CYS1: variants seen among roughly 807,000 people sequenced by gnomAD.
The protein encoded by CYS1 is cystin 1.
CYS1 carries 5 observed loss-of-function variants against 9.6 expected under a neutral mutation model. The ratio of observed to expected loss-of-function variants is 0.52; its 90% CI spans 0.27 to 1.10. The LOEUF (loss-of-function observed/expected upper bound fraction) is 1.10. CYS1 is among the 50% of genes least tolerant of loss of function. CYS1 has a pLI of 0.11. For missense variants in CYS1, 221 were observed against 207.9 expected (o/e 1.06, Z -0.39); for synonymous variants, 88 against 95.7 (o/e 0.92, Z 0.47).
intron 1 of CYS1, among the ~76,000 whole-genome samples, chr2:10,070,900 T>C: frequency 6.6e-6 from 1 of 152,032 alleles, no homozygotes; most frequent in East Asian, 1.9e-4. Flanking sequence ...CACCTCGGCC[T>C]CCTAAAAAGT....
In CYS1 at chr2:10,076,980, A is replaced by C. The variant is rs1013291997; in HGVS notation, c.318+2926T>G. 1.3e-5 allele frequency among the ~76,000 whole-genome samples: 2 copies of C among 151,994 alleles called. No homozygotes were observed. The highest frequency in any genetic ancestry group is 2.9e-5 in the Non-Finnish European group (2 of 67,996). ...CTCAAATTTAACATACTGAAAACCA[A>C]CTTCCTGGTTAATGACACCCCAAAC... On this transcript the variant is annotated intron_variant, in intron 1 of 2. Coordinates refer to ENST00000381813, the MANE Select transcript of CYS1 (RefSeq NM_001037160.3). This position sits in a 1 kb window ranked among gnomAD's most constrained non-coding sequence, Gnocchi z 4.3.
rs1402078501 is a variant in CYS1, at chr2:10,058,392, A to G, written c.*461T>C. The G allele has an allele frequency of 6.5e-6, 1 of 154,522 alleles. No homozygotes were observed. The highest frequency in any genetic ancestry group is 1.4e-5 in the Non-Finnish European group (1 of 69,700). The allele number at this position is 154,522 out of a possible 1,614,324, so 9.6% of individuals were successfully genotyped here. ...TGAGAAGCACTAAGCTGACCCGGCCACCCCTGGAGAGATGGGCCCGAGACT... is the reference window on the plus strand; with the variant it reads ...TGAGAAGCACTAAGCTGACCCGGCCGCCCCTGGAGAGATGGGCCCGAGACT... On this transcript the variant is annotated 3_prime_UTR_variant, in exon 3 of 3. Transcript: ENST00000381813.
intron 1 of CYS1, among the ~76,000 whole-genome samples, chr2:10,071,709 T>C (rs577028481): frequency 6.6e-6 from 1 of 152,208 alleles, no homozygotes; most frequent in African/African-American, 2.4e-5. Context: ...GGAGCTGGTA[T>C]GAAAAGCAAA....
chr2:10,072,394 G>T (rs1209819559), intron 1 of CYS1, among the ~76,000 whole-genome samples: 1 of 152,136 alleles, frequency 6.6e-6, no homozygotes, highest in African/African-American at 2.4e-5. Context: ...CGGCCCAAAG[G>T]TTACTTTTTA....
At position 10,080,060 on chromosome 2, in the gene CYS1, C is replaced by G. The variant is rs1212223182; in HGVS notation, c.164G>C (p.Gly55Ala). 2 of 1,041,040 alleles carry G rather than the reference C, an allele frequency of 1.9e-6. No individual in the cohort carries two copies. The allele number at this position is 1,041,040 out of a possible 1,614,324, so 64.5% of individuals were successfully genotyped here. ...GGGCGCCACGGGGCTGGGGTCGCGG[C>G]CGGGCGCCTCCTCCGCGGCTGCCCC... ...VPGAAAEEAP[G>A]RDPSPVAPPD... Residue 55 changes from glycine (G) to alanine (A), a missense_variant, in exon 1 of 3, where the codon GGC (glycine) becomes GCC (alanine). By Grantham distance (60) the Gly-to-Ala change is moderately conservative. Transcript: ENST00000381813. This position sits in a 1 kb window ranked among gnomAD's most constrained non-coding sequence, Gnocchi z 6.4.
At position 10,076,322 on chromosome 2, in the gene CYS1, G is replaced by C. The variant is rs951787314; in HGVS notation, c.318+3584C>G. ...CTTATCCAGCCCATTCTGGGACTAA[G>C]ATTTTCTGGTGAATTCCAGGTCCAG... On this transcript the variant is annotated intron_variant, in intron 1 of 2. Transcript: ENST00000381813. The surrounding 1 kb of genome is among the most constrained non-coding windows in gnomAD (Gnocchi z 4.3). 2.8e-4 allele frequency among the ~76,000 whole-genome samples: 43 copies of C among 152,144 alleles called. No individual in the cohort carries two copies. Among genetic ancestry groups the C allele is most frequent in the African/African-American group, 1.0e-3 (42 of 41,440 alleles).
intron 1 of CYS1, among the ~76,000 whole-genome samples, chr2:10,070,489 A>G (rs1661752817): frequency 6.6e-6 from 1 of 151,318 alleles, no homozygotes; most frequent in Non-Finnish European, 1.5e-5. Context: ...GGGATTACAG[A>G]TGTATGCCAC....
At position 10,057,349 on chromosome 2, in the gene CYS1, T is replaced by G. The variant is rs1661564413; in HGVS notation, c.*1504A>C. 2 of 152,290 alleles carry G rather than the reference T, an allele frequency of 1.3e-5. No individual in the cohort carries two copies. The highest frequency in any genetic ancestry group is 6.5e-5 in the Admixed American group (1 of 15,290). The allele number at this position is 152,290 out of a possible 1,614,324, so 9.4% of individuals were successfully genotyped here. On this transcript the variant is annotated 3_prime_UTR_variant, in exon 3 of 3. Coordinates refer to ENST00000381813, the MANE Select transcript of CYS1 (RefSeq NM_001037160.3). ...AGCTCTGACTTCAAAAGTTGGAGTT[T>G]CCCAGCTGCGAACAGCTGGTCAAAG... is the stretch of plus-strand genomic sequence containing the variant.
At chr2:10,069,152 A>C (rs1025633386) in intron 1 of CYS1, among the ~76,000 whole-genome samples, 3 of 152,318 alleles carry the variant, frequency 2.0e-5, no homozygotes, top group African/African-American at 7.2e-5. Context: ...AAAAGCCAAG[A>C]GTCAGGTGGC....
chr2:10,059,894 G>C (rs1283841785), intron 2 of CYS1, among the ~76,000 whole-genome samples: 1 of 152,226 alleles, frequency 6.6e-6, no homozygotes, highest in East Asian at 1.9e-4. Context: ...CTGCTGCCTG[G>C]GTTCCAGAAA....
intron 1 of CYS1, among the ~76,000 whole-genome samples, chr2:10,073,983 T>G (rs1661810859): frequency 6.6e-6 from 1 of 152,154 alleles, no homozygotes; most frequent in Non-Finnish European, 1.5e-5. Flanking sequence ...CTCCCCCGGG[T>G]CGAGGCACTG....
intron 1 of CYS1, 50 bp from the exon 2 acceptor site, chr2:10,066,006 C>G (rs558999780): frequency 6.2e-7 from 1 of 1,606,804 alleles, no homozygotes; most frequent in Admixed American, 1.7e-5. Flanking sequence ...AACAGTGCAG[C>G]CTGCCTAAGG....
intron 1 of CYS1, 71 bp from the exon 2 acceptor site, chr2:10,066,027 G>T (rs1452424032): frequency 3.8e-6 from 6 of 1,565,822 alleles, no homozygotes; most frequent in Non-Finnish European, 4.4e-6. Context: ...CTTTGGCTTT[G>T]TGTGGACAGA....
chr2:10,074,029 G>C (rs1338722232), intron 1 of CYS1, among the ~76,000 whole-genome samples: 1 of 152,106 alleles, frequency 6.6e-6, no homozygotes, highest in East Asian at 1.9e-4. Flanking sequence ...TCTTTTTATA[G>C]AACTCCAGAG....
At chr2:10,079,806 G>C in intron 1 of CYS1, 100 bp downstream of exon 1, 2 of 754,332 alleles carry the variant, frequency 2.7e-6, no homozygotes, top group South Asian at 6.2e-5. Flanking sequence ...GAGGCTGGAA[G>C]GGGGCGCAGC....
At chr2:10,067,001 GAT>G (rs1420238296) in intron 1 of CYS1, among the ~76,000 whole-genome samples, 1 of 152,016 alleles carries the variant, frequency 6.6e-6, no homozygotes, top group South Asian at 2.1e-4. Context: ...AGATACCATG[GAT>G]ATCTCTTTTT....
At position 10,063,832 on chromosome 2, in the gene CYS1, C is replaced by T. The variant is rs1321928662; in HGVS notation, c.371+2072G>A. Among the ~76,000 whole-genome samples, 1 of 152,232 alleles carries T rather than the reference C, an allele frequency of 6.6e-6. No individual in the cohort carries two copies. The highest frequency in any genetic ancestry group is 2.4e-5 in the African/African-American group (1 of 41,460). On this transcript the variant is annotated intron_variant, in intron 2 of 2. Coordinates refer to ENST00000381813, the MANE Select transcript of CYS1 (RefSeq NM_001037160.3). This position sits in a 1 kb window ranked among gnomAD's most constrained non-coding sequence, Gnocchi z 4.2. ...GGGGCAGGACTGCTGGGACCTGGGGCTTCCTTCCTGGTGGAAGCACGGTGC... is the reference window on the plus strand; with the variant it reads ...GGGGCAGGACTGCTGGGACCTGGGGTTTCCTTCCTGGTGGAAGCACGGTGC...
intron 1 of CYS1, among the ~76,000 whole-genome samples, 155 bp from the exon 2 acceptor site, chr2:10,066,111 C>T (rs1196502947): frequency 6.6e-6 from 1 of 152,232 alleles, no homozygotes; most frequent in Admixed American, 6.5e-5. Flanking sequence ...AAGTTCCATC[C>T]ACTCATTGCA....
intron 2 of CYS1, 46 bp from the exon 3 acceptor site, chr2:10,059,004 C>G (rs367569043): frequency 6.0e-6 from 9 of 1,502,468 alleles, no homozygotes; most frequent in Admixed American, 5.9e-5. Flanking sequence ...CAGGATGGTG[C>G]GTTCACACTC....
Sources: allele counts gnomAD v4.1 joint callset (sites outside exome capture counted in the v4.1 genomes callset), GRCh38; gene constraint gnomAD v4.1.1; non-coding constraint Gnocchi (gnomAD v3.1); transcripts MANE v1.5; gene names NCBI Gene and HGNC (gene_info 2026-07-23, HGNC 2026-07-21).